Variants in CCBE1 observed in about 807,000 individuals in gnomAD.
The protein encoded by CCBE1 is collagen and calcium binding EGF domains 1, also known as collagen and calcium-binding EGF domain-containing protein 1.
In CCBE1, 37 loss-of-function variants were observed where a neutral mutation model predicts 50.0. The observed-to-expected ratio is 0.74, with a 90% CI of 0.57 to 0.97. CCBE1 has a LOEUF of 0.97. Among genes scored for constraint, CCBE1 ranks in the 50% least tolerant of loss-of-function variants. The probability of loss-of-function intolerance (pLI) is 0.00; values close to 1 mark genes in which losing one functional copy is unlikely to be tolerated. For missense variants in CCBE1, 538 were observed against 523.8 expected, an observed-to-expected ratio of 1.03 and a Z score of -0.26; for synonymous variants, 234 against 203.7, an observed-to-expected ratio of 1.15 and a Z score of -1.27.
intron 2 of CCBE1, among the ~76,000 whole-genome samples, chr18:59,571,086 ATGTGCTCCTTTTT>A (rs1461286931): frequency 6.6e-6 from 1 of 152,194 alleles, no homozygotes; most frequent in Non-Finnish European, 1.5e-5. Context: ...TAGGAGTGAA[ATGTGCTCCTTTTT>A]TGGGTCAACA....
chr18:59,669,434 T>C (rs762014655), intron 2 of CCBE1, among the ~76,000 whole-genome samples: 6 of 152,176 alleles, frequency 3.9e-5, no homozygotes, highest in Non-Finnish European at 7.3e-5. Flanking sequence ...CTTGAATCAA[T>C]AGGACATCCT....
At chr18:59,618,955 A>G (rs1048378508) in intron 2 of CCBE1, among the ~76,000 whole-genome samples, 1 of 152,206 alleles carries the variant, frequency 6.6e-6, no homozygotes, top group African/African-American at 2.4e-5. Flanking sequence ...TTTCAGTGTT[A>G]TATTAGGACT....
At chr18:59,460,379 G>T (rs1425421457) in intron 5 of CCBE1, among the ~76,000 whole-genome samples, 1 of 152,174 alleles carries the variant, frequency 6.6e-6, no homozygotes, top group Non-Finnish European at 1.5e-5. Context: ...GATCACATGT[G>T]GTTATACTCA....
chr18:59,580,449 TGTC>T (rs2053067048), intron 2 of CCBE1, among the ~76,000 whole-genome samples: 1 of 152,192 alleles, frequency 6.6e-6, no homozygotes, highest in Non-Finnish European at 1.5e-5. Context: ...CTGGAGCACA[TGTC>T]GTCAGGACCT....
At chr18:59,467,905 C>T (rs759886190) in intron 4 of CCBE1, among the ~76,000 whole-genome samples, 3 of 152,204 alleles carry the variant, frequency 2.0e-5, no homozygotes, top group Non-Finnish European at 2.9e-5. Context: ...ACCTGTAGAC[C>T]GGATGTTGCA....
At chr18:59,640,641 A>G (rs975491520) in intron 2 of CCBE1, among the ~76,000 whole-genome samples, 4 of 152,210 alleles carry the variant, frequency 2.6e-5, no homozygotes, top group African/African-American at 7.2e-5. Flanking sequence ...GGATCTAATT[A>G]AACTATTAGG....
chr18:59,447,127 T>G (rs1397746758), intron 7 of CCBE1, among the ~76,000 whole-genome samples: 1 of 152,228 alleles, frequency 6.6e-6, no homozygotes, highest in Non-Finnish European at 1.5e-5. Context: ...GGGTGAATAT[T>G]CAGAAACAGT....
intron 2 of CCBE1, among the ~76,000 whole-genome samples, chr18:59,670,394 G>A (rs1302667264): frequency 1.3e-5 from 2 of 152,152 alleles, no homozygotes; most frequent in Non-Finnish European, 2.9e-5. Context: ...GATGGCAAAT[G>A]TCTGAGAAGA....
At chr18:59,586,616 C>T (rs1343439736) in intron 2 of CCBE1, among the ~76,000 whole-genome samples, 1 of 152,114 alleles carries the variant, frequency 6.6e-6, no homozygotes, top group Non-Finnish European at 1.5e-5. Context: ...AGAACATCTG[C>T]GATGGGAAAG....
rs763852516 is a variant in CCBE1 at position 59,448,573 on chromosome 18, C to G, written c.655-470G>C. Among the ~76,000 whole-genome samples the G allele has an allele frequency of 1.3e-3, 201 of 152,234 alleles. 1 individual carries two copies. The highest frequency in any genetic ancestry group is 2.3e-3 in the Non-Finnish European group (155 of 68,012). ...GACCGAGAACATGGCTGACGGTTCC[C>G]CAGCACACTCAGGGCTGACCTTCAG... On this transcript the variant is annotated intron_variant, in intron 6 of 10. Coordinates refer to ENST00000439986, the MANE Select transcript of CCBE1 (RefSeq NM_133459.4).
intron 2 of CCBE1, among the ~76,000 whole-genome samples, chr18:59,677,003 G>A (rs986503047): frequency 1.3e-5 from 2 of 152,180 alleles, no homozygotes; most frequent in Non-Finnish European, 2.9e-5. Flanking sequence ...CAGGGGCCGG[G>A]CCTCACAGCC....
At chr18:59,669,403 C>T (rs2054402560) in intron 2 of CCBE1, among the ~76,000 whole-genome samples, 1 of 152,202 alleles carries the variant, frequency 6.6e-6, no homozygotes, top group Admixed American at 6.5e-5. Context: ...GGGTTCTGAC[C>T]AACAGCTCCT....
chr18:59,561,835 A>C (rs1440770495), intron 2 of CCBE1, among the ~76,000 whole-genome samples: 1 of 152,220 alleles, frequency 6.6e-6, no homozygotes, highest in Non-Finnish European at 1.5e-5. Flanking sequence ...GGCCAGCTCA[A>C]GCAGCCGAGA....
intron 2 of CCBE1, chr18:59,564,116 CT>C (rs2052782361): frequency 6.6e-6 from 1 of 152,230 alleles, no homozygotes; most frequent in Non-Finnish European, 1.5e-5. Flanking sequence ...TAAAGACAAT[CT>C]TTATAACTAT....
intron 2 of CCBE1, among the ~76,000 whole-genome samples, chr18:59,571,292 T>C (rs1383757333): frequency 6.6e-6 from 1 of 152,134 alleles, no homozygotes; most frequent in African/African-American, 2.4e-5. Context: ...AATAGTGATT[T>C]TAAAAAATCT....
chr18:59,579,889 T>C (rs1186648499), intron 2 of CCBE1, among the ~76,000 whole-genome samples: 1 of 152,142 alleles, frequency 6.6e-6, no homozygotes, highest in East Asian at 1.9e-4. Flanking sequence ...CTAGAACAAC[T>C]GCTGCTGCTG....
chr18:59,579,712 T>C (rs994832820), intron 2 of CCBE1, among the ~76,000 whole-genome samples: 1 of 152,230 alleles, frequency 6.6e-6, no homozygotes, highest in Non-Finnish European at 1.5e-5. Flanking sequence ...GTTAGGCTCT[T>C]ACTGCGTTAG....
intron 2 of CCBE1, among the ~76,000 whole-genome samples, chr18:59,592,683 T>C (rs925343063): frequency 6.6e-6 from 1 of 152,180 alleles, no homozygotes; most frequent in Non-Finnish European, 1.5e-5. Context: ...ATGGGAAGGA[T>C]AAACTAATGA....
chr18:59,607,437 C>G (rs991121238), intron 2 of CCBE1, among the ~76,000 whole-genome samples: 4 of 152,158 alleles, frequency 2.6e-5, no homozygotes, highest in African/African-American at 9.7e-5. Flanking sequence ...TTCCAAATTT[C>G]AAACAACAGA....
Sources: gnomAD v4.1 joint callset for allele counts (sites outside exome capture counted in the v4.1 genomes callset) on GRCh38, gnomAD v4.1.1 for gene constraint, MANE v1.5 for transcripts, NCBI Gene and HGNC (gene_info 2026-07-23, HGNC 2026-07-21) for gene names.